The following TPO variants were observed in gnomAD, a reference collection of about 807,000 sequenced individuals.
TPO encodes thyroid microsomal antigen.
In TPO, 78 loss-of-function variants were observed where a neutral mutation model predicts 96.9. The observed-to-expected ratio is 0.81, with a 90% CI of 0.67 to 0.97. The LOEUF (loss-of-function observed/expected upper bound fraction) is 0.97. TPO is among the 50% of genes least tolerant of loss of function. TPO has a pLI of 0.00. For missense variants in TPO, 1,252 were observed against 1,274.8 expected, an observed-to-expected ratio of 0.98 and a Z score of 0.27; for synonymous variants, 547 against 538.0, an observed-to-expected ratio of 1.02 and a Z score of -0.23.
intron 9 of TPO, among the ~76,000 whole-genome samples, 179 bp downstream of exon 9, chr2:1,485,033 T>A (rs569743894): frequency 2.6e-4 from 40 of 152,276 alleles, no homozygotes; most frequent in South Asian, 2.3e-3. Context: ...CATTAGGTAT[T>A]TCTCCTAATG....
At chr2:1,421,548 G>A (rs185431741) in intron 2 of TPO, among the ~76,000 whole-genome samples, 7 of 152,212 alleles carry the variant, frequency 4.6e-5, no homozygotes, top group Non-Finnish European at 8.8e-5. Flanking sequence ...GGTGGGGGGC[G>A]GGGCTGGTTA....
At chr2:1,473,243 C>T (rs1231838137) in intron 7 of TPO, among the ~76,000 whole-genome samples, 2 of 152,154 alleles carry the variant, frequency 1.3e-5, no homozygotes, top group African/African-American at 4.8e-5. Flanking sequence ...CACGGGTTTC[C>T]ATTCATTTTG....
rs978929162 is a variant in TPO, at chr2:1,504,066, G to C, written c.2505G>C (p.Gly835=). The change falls in exon 14 of 17, where the codon GGG becomes GGC. Residue 835 remains glycine, a synonymous_variant. Coordinates refer to ENST00000329066, the MANE Select transcript of TPO (RefSeq NM_001206744.2). ...CADPYELGDD[G]RTCVDSGRLP... is the part of the protein sequence containing the mutation. ...ACCCCTACGAGTTAGGAGACGATGG[G>C]AGAACCTGCGTAGGTGAGGCTGTTC... is the stretch of plus-strand genomic sequence containing the variant. 7.4e-6 allele frequency: 12 copies of C among 1,614,164 alleles called. No individual in the cohort carries two copies. Among genetic ancestry groups the C allele is most frequent in the Non-Finnish European group, 1.0e-5 (12 of 1,180,036 alleles).
intron 1 of TPO, among the ~76,000 whole-genome samples, chr2:1,399,876 A>G (rs1662139489): frequency 6.6e-6 from 1 of 152,220 alleles, no homozygotes; most frequent in Admixed American, 6.5e-5. Context: ...AAATCCTTAC[A>G]TGGAAATCTT....
intron 7 of TPO, among the ~76,000 whole-genome samples, chr2:1,474,408 T>C (rs150547543): frequency 2.6e-5 from 4 of 152,332 alleles, no homozygotes; most frequent in African/African-American, 9.6e-5. Context: ...GTATGCCCTG[T>C]CCTTGTCCTG....
Position 1,423,098 on chromosome 2 carries a change from G to T in TPO, c.148G>T (p.Val50Leu). 2 of 1,614,120 alleles carry T rather than the reference G, an allele frequency of 1.2e-6. No individual in the cohort carries two copies. Among genetic ancestry groups the T allele is most frequent in the Non-Finnish European group, 1.7e-6 (2 of 1,180,046 alleles). Residue 50 changes from valine (V) to leucine (L), a missense_variant, in exon 3 of 17, where the codon GTG becomes TTG. By Grantham distance (32) the Val-to-Leu change is conservative. Transcript: ENST00000329066. ...CGTCTTGGAGGAAAGCAAGCGCCTG[G>T]TGGACACCGCCATGTACGCCACGAT... is the stretch of plus-strand genomic sequence containing the variant. ...SSVLEESKRLVDTAMYATMQR... is the reference protein window; with the variant it reads ...SSVLEESKRLLDTAMYATMQR...
intron 8 of TPO, among the ~76,000 whole-genome samples, chr2:1,481,374 A>C (rs967750192): frequency 1.3e-5 from 2 of 152,194 alleles, no homozygotes; most frequent in Non-Finnish European, 2.9e-5. Context: ...TGGGTTCCAC[A>C]GGGTGAAAAG....
chr2:1,401,910 C>T (rs1662178358), intron 1 of TPO, among the ~76,000 whole-genome samples: 1 of 152,168 alleles, frequency 6.6e-6, no homozygotes, highest in African/African-American at 2.4e-5. Context: ...AGTCAAAGGG[C>T]ACTGAGTGCC....
intron 1 of TPO, among the ~76,000 whole-genome samples, chr2:1,399,877 T>C (rs1189774101): frequency 6.6e-6 from 1 of 152,232 alleles, no homozygotes; most frequent in Non-Finnish European, 1.5e-5. Context: ...AATCCTTACA[T>C]GGAAATCTTA....
At chr2:1,409,439 G>A (rs1383490675), upstream of TPO, among the ~76,000 whole-genome samples, 2 of 152,206 alleles carry the variant, frequency 1.3e-5, no homozygotes, top group Non-Finnish European at 2.9e-5. Context: ...TTGAATGACA[G>A]CATTTTATTT....
In TPO at chr2:1,514,710, A is replaced by G. The variant is rs573998839; in HGVS notation, c.2519-2173A>G. On this transcript the variant is annotated intron_variant, in intron 14 of 16. Transcript: ENST00000329066. The stretch of plus-strand genomic sequence containing the variant: ...TCAGCTGGGTATCTCCCAGAAGCAC[A>G]CAGCCTTCAATCTGGTTCCAAGCGG... Among the ~76,000 whole-genome samples the G allele has an allele frequency of 8.5e-5, 13 of 152,340 alleles. No individual in the cohort carries two copies. In the South Asian group the frequency reaches 2.7e-3, roughly 32 times the overall value.
intron 15 of TPO, among the ~76,000 whole-genome samples, chr2:1,538,820 C>T (rs921662840): frequency 3.9e-5 from 6 of 152,126 alleles, no homozygotes; most frequent in Non-Finnish European, 8.8e-5. Flanking sequence ...GAGCAAGTCA[C>T]GGTGTTGGCA....
chr2:1,528,896 T>A (rs929415821), intron 15 of TPO, among the ~76,000 whole-genome samples: 3 of 136,026 alleles, frequency 2.2e-5, no homozygotes, highest in African/African-American at 8.7e-5. Context: ...CTCCACTGTG[T>A]GCAACCTCCT....
rs372464613 is a variant in TPO at position 1,496,689 on chromosome 2, C to T, written c.2310C>T (p.His770=). 4.3e-5 allele frequency: 69 copies of T among 1,614,026 alleles called. No homozygotes were observed. In the African/African-American group the frequency reaches 5.7e-4, roughly 13 times the overall value. Residue 770 remains histidine (H), a synonymous_variant, in exon 13 of 17, where the codon CAC becomes CAT. Coordinates refer to ENST00000329066, the MANE Select transcript of TPO (RefSeq NM_001206744.2). ...GCGTGCTGGTGTATTCCTGCCGGCA[C>T]GGGTATGAGCTCCAAGGCCGGGAGC... The part of the protein sequence containing the change: ...GRRVLVYSCR[H]GYELQGREQL...
In TPO at chr2:1,462,272, A is replaced by G. The variant is rs369007451; in HGVS notation, c.819+5990A>G. Among the ~76,000 whole-genome samples, 22 of 152,242 alleles carry G rather than the reference A, an allele frequency of 1.4e-4. No individual in the cohort carries two copies. In the East Asian group the frequency reaches 2.7e-3, roughly 19 times the overall value. ...CGGGGAGCCTGCAGGGCTTGTTCCC[A>G]GGAGCTGAGGAGCTGACTCCAGACC... On this transcript the variant is annotated intron_variant, in intron 7 of 16. Coordinates refer to ENST00000329066, the MANE Select transcript of TPO (RefSeq NM_001206744.2).
At chr2:1,437,543 C>T (rs1360881443) in intron 5 of TPO, among the ~76,000 whole-genome samples, 1 of 152,090 alleles carries the variant, frequency 6.6e-6, no homozygotes, top group Non-Finnish European at 1.5e-5. Flanking sequence ...CGACAATGAA[C>T]AGGAATCGGG....
At position 1,493,977 on chromosome 2, in the gene TPO, G is replaced by C; in HGVS notation, c.1944G>C (p.Arg648=). ...GLAENFLPRA[R]TGPLFACLIG... ...CTGAAAACTTCCTCCCCAGGGCTCG[G>C]ACAGGGCCCCTGTTTGCCTGTCTCA... The change falls in exon 11 of 17, where the codon CGG becomes CGC. Residue 648 remains arginine, a synonymous_variant. Coordinates refer to ENST00000329066, the MANE Select transcript of TPO (RefSeq NM_001206744.2). The C allele has an allele frequency of 6.2e-7, 1 of 1,614,182 alleles. No individual in the cohort carries two copies. Among genetic ancestry groups the C allele is most frequent in the South Asian group, 1.1e-5 (1 of 91,084 alleles).
chr2:1,507,921 G>A (rs1247931036), intron 14 of TPO, among the ~76,000 whole-genome samples: 3 of 152,150 alleles, frequency 2.0e-5, no homozygotes, highest in Non-Finnish European at 4.4e-5. Context: ...CCAACACTAT[G>A]TTGAATAGGA....
chr2:1,492,414 A>C (rs948937573), intron 10 of TPO, among the ~76,000 whole-genome samples: 20 of 152,036 alleles, frequency 1.3e-4, no homozygotes, highest in African/African-American at 4.8e-4. Context: ...CTCGGCCTCC[A>C]AAAGTGCTGG....
Sources: gnomAD v4.1 joint callset for allele counts (sites outside exome capture counted in the v4.1 genomes callset) on GRCh38, gnomAD v4.1.1 for gene constraint, MANE v1.5 for transcripts, NCBI Gene and HGNC (gene_info 2026-07-23, HGNC 2026-07-21) for gene names.